The following TTF2 variants were observed in gnomAD, a reference collection of about 807,000 sequenced individuals.
The protein encoded by TTF2 is RNA polymerase II termination factor.
In TTF2, 108 loss-of-function variants were observed where a neutral mutation model predicts 142.4. The observed-to-expected ratio is 0.76, with a 90% CI of 0.65 to 0.89. TTF2 has a LOEUF of 0.89. TTF2 is among the 40% of genes least tolerant of loss of function. The pLI is 0.00. For missense variants in TTF2, 1,327 were observed against 1,379.8 expected (o/e 0.96, Z 0.61); for synonymous variants, 483 against 506.2 (o/e 0.95, Z 0.61).
chr1:117,082,069 G>A, intron 10 of TTF2, 122 bp downstream of exon 10: 2 of 1,379,012 alleles, frequency 1.5e-6, no homozygotes. Context: ...TGGAAAACCA[G>A]TATTAGATTA....
chr1:117,063,539 T>G lies in TTF2; in HGVS notation c.218+1066T>G, dbSNP rs923840930. Among the ~76,000 whole-genome samples the G allele has an allele frequency of 4.6e-5, 7 of 152,262 alleles. No homozygotes were observed. The highest frequency in any genetic ancestry group is 2.1e-4 in the South Asian group (1 of 4,836). On this transcript the variant is annotated intron_variant, in intron 3 of 22. Coordinates refer to ENST00000369466, the MANE Select transcript of TTF2 (RefSeq NM_003594.4). The surrounding 1 kb of genome is among the most constrained non-coding windows in gnomAD (Gnocchi z 4.1). ...CTGACTTCTTTTACTTAACAGTATG[T>G]GAAATGTATATAATATGTATCAGTA...
chr1:117,083,990 T>G (rs907510544), intron 10 of TTF2, 28 bp from the exon 11 acceptor site: 9 of 1,613,038 alleles, frequency 5.6e-6, no homozygotes, highest in Non-Finnish European at 7.6e-6. Context: ...TGAATGTAAC[T>G]AGGCACTGAT....
rs76183878 is a variant in TTF2 at position 117,106,008 on chromosome 1, T to C, written c.*4484T>C. 1.3e-5 allele frequency: 2 copies of C among 152,116 alleles called. No homozygotes were observed. The highest frequency in any genetic ancestry group is 2.9e-5 in the Non-Finnish European group (2 of 68,028). 9.4% of individuals were successfully genotyped at this position (152,116 alleles called of 1,614,324 possible). A position where few individuals can be genotyped will look rare whatever the true frequency, so the allele number is the denominator to read the frequency against. ...AGTGTGGCCTCTGGTTGTCTGAAAT[T>C]TTGCTGTCAACTCTAATACCTTGAA... On this transcript the variant is annotated 3_prime_UTR_variant, in exon 23 of 23. Transcript: ENST00000369466.
chr1:117,097,202 A>G lies in TTF2; in HGVS notation c.3187-149A>G, dbSNP rs569833775. ...GTGAGACATGGGAGATAGCATTATA[A>G]TGTTAAAAAAAAAAACAATTTATAA... On this transcript the variant is annotated intron_variant, in intron 20 of 22. Coordinates refer to ENST00000369466, the MANE Select transcript of TTF2 (RefSeq NM_003594.4). This position sits in a 1 kb window ranked among gnomAD's most constrained non-coding sequence, Gnocchi z 4.1. 128 of 662,698 alleles carry G rather than the reference A, an allele frequency of 1.9e-4. No individual in the cohort carries two copies. The highest frequency in any genetic ancestry group is 2.9e-4 in the Non-Finnish European group (111 of 383,328). The allele number at this position is 662,698 out of a possible 1,614,324, so 41.1% of individuals were successfully genotyped here. A position where few individuals can be genotyped will look rare whatever the true frequency, so the allele number is the denominator to read the frequency against.
At position 117,101,609 on chromosome 1, in the gene TTF2, C is replaced by G; in HGVS notation, c.*85C>G. The G allele has an allele frequency of 1.5e-6, 2 of 1,358,148 alleles. No homozygotes were observed. The highest frequency in any genetic ancestry group is 1.9e-6 in the Non-Finnish European group (2 of 1,038,116). The allele number at this position is 1,358,148 out of a possible 1,614,324, so 84.1% of individuals were successfully genotyped here. A position where few individuals can be genotyped will look rare whatever the true frequency, so the allele number is the denominator to read the frequency against. ...TAACAACCTAACCATGAGCCTTGAACTCTGTTCTTTGCATTTCAATTTCAC... is the reference window on the plus strand; with the variant it reads ...TAACAACCTAACCATGAGCCTTGAAGTCTGTTCTTTGCATTTCAATTTCAC... On this transcript the variant is annotated 3_prime_UTR_variant, in exon 23 of 23. Transcript: ENST00000369466. This position sits in a 1 kb window ranked among gnomAD's most constrained non-coding sequence, Gnocchi z 5.9.
rs2244406 is a variant in TTF2, at chr1:117,060,566, G to T, written c.131+9G>T. ...TTCGTGCGGGCCACCGAGTAGGTCTGGAGCTGGGCCCCACTCCCTGTGGCT... is the reference window on the plus strand; with the variant it reads ...TTCGTGCGGGCCACCGAGTAGGTCTTGAGCTGGGCCCCACTCCCTGTGGCT... On this transcript the variant is annotated intron_variant, in intron 2 of 22. Coordinates refer to ENST00000369466, the MANE Select transcript of TTF2 (RefSeq NM_003594.4). 1,094,282 of 1,601,834 alleles carry T rather than the reference G, an allele frequency of 0.68. 377,220 individuals are homozygous for T. The highest frequency in any genetic ancestry group is 0.93 in the East Asian group (41,500 of 44,724).
At position 117,095,296 on chromosome 1, in the gene TTF2, A is replaced by ATGTTT; in HGVS notation, c.2977-13_2977-12insTGTTT. 6.2e-7 allele frequency: 1 copy of ATGTTT among 1,614,008 alleles called. No individual in the cohort carries two copies. On this transcript the variant is annotated splice_polypyrimidine_tract_variant and intron_variant, in intron 18 of 22. Coordinates refer to ENST00000369466, the MANE Select transcript of TTF2 (RefSeq NM_003594.4). ...TTGCTTAAACATACAATGTTGATGT[A>ATGTTT]ACCTTTTCCCAGATTTCATCTCTGT...
At chr1:117,089,117 A>G in intron 13 of TTF2, 135 bp downstream of exon 13, 2 of 865,610 alleles carry the variant, frequency 2.3e-6, no homozygotes, top group Non-Finnish European at 3.3e-6. Flanking sequence ...CAACCTTTAA[A>G]GGACAAAAGA....
rs1306962191 is a variant in TTF2, at chr1:117,093,423, G to C, written c.2976+522G>C. 6.6e-6 allele frequency among the ~76,000 whole-genome samples: 1 copy of C among 152,208 alleles called. No individual in the cohort carries two copies. The highest frequency in any genetic ancestry group is 1.5e-5 in the Non-Finnish European group (1 of 68,040). ...AAACATTCTGCTGGAGGAAGGCTTA[G>C]ATATGCCGTAACCTGAATCCTGCCT... is the stretch of plus-strand genomic sequence containing the variant. On this transcript the variant is annotated intron_variant, in intron 18 of 22. Transcript: ENST00000369466. This position sits in a 1 kb window ranked among gnomAD's most constrained non-coding sequence, Gnocchi z 4.5.
Position 117,075,885 on chromosome 1 carries a change from C to A in TTF2, c.1275+26C>A. The A allele has an allele frequency of 6.3e-7, 1 of 1,579,162 alleles. No homozygotes were observed. Among genetic ancestry groups the A allele is most frequent in the South Asian group, 1.2e-5 (1 of 84,268 alleles). On this transcript the variant is annotated intron_variant, in intron 5 of 22. Transcript: ENST00000369466. This position sits in a 1 kb window ranked among gnomAD's most constrained non-coding sequence, Gnocchi z 4.5. The stretch of plus-strand genomic sequence containing the variant: ...GTAACTATTGACTCGTGTTTTGTTT[C>A]TGAGGTCAGAGCATTGCTTGTTATG...
Position 117,087,489 on chromosome 1 carries a change from C to A in TTF2, c.2160+967C>A, listed in dbSNP as rs548760671. Among the ~76,000 whole-genome samples, 1 of 152,142 alleles carries A rather than the reference C, an allele frequency of 6.6e-6. No individual in the cohort carries two copies. The highest frequency in any genetic ancestry group is 6.5e-5 in the Admixed American group (1 of 15,274). ...TGTATTTTTAGTAGAGATGGGGTTT[C>A]GCCATGTTGGCCAGGCTGGTCTCGA... On this transcript the variant is annotated intron_variant, in intron 12 of 22. Coordinates refer to ENST00000369466, the MANE Select transcript of TTF2 (RefSeq NM_003594.4). This position sits in a 1 kb window ranked among gnomAD's most constrained non-coding sequence, Gnocchi z 4.8.
Position 117,090,451 on chromosome 1 carries a change from A to G in TTF2, c.2497-81A>G, listed in dbSNP as rs1648467163. On this transcript the variant is annotated intron_variant, in intron 14 of 22. Coordinates refer to ENST00000369466, the MANE Select transcript of TTF2 (RefSeq NM_003594.4). The surrounding 1 kb of genome is among the most constrained non-coding windows in gnomAD (Gnocchi z 4.8). ...GCATTCCAGGGTTGACTAGATATGC[A>G]GTGTCAGTATGGGGAATTTGTTCTA... 7.4e-7 allele frequency: 1 copy of G among 1,348,262 alleles called. No homozygotes were observed. The highest frequency in any genetic ancestry group is 1.0e-6 in the Non-Finnish European group (1 of 954,438). The allele number at this position is 1,348,262 out of a possible 1,614,324, so 83.5% of individuals were successfully genotyped here. A position where few individuals can be genotyped will look rare whatever the true frequency, so the allele number is the denominator to read the frequency against.
chr1:117,094,703 C>T lies in TTF2; in HGVS notation c.2977-606C>T, dbSNP rs115372145. On this transcript the variant is annotated intron_variant, in intron 18 of 22. Transcript: ENST00000369466. Reference sequence around the variant, plus strand: ...GTACTCACAGCCCCTCACACATGGCCGAAACAGAGAAGTTACTTTCCTAAT... The same window carrying T: ...GTACTCACAGCCCCTCACACATGGCTGAAACAGAGAAGTTACTTTCCTAAT... The T allele has an allele frequency of 5.2e-3, 2,425 of 466,414 alleles. 30 individuals are homozygous for T. The highest frequency in any genetic ancestry group is 0.034 in the African/African-American group (1,698 of 49,530). 28.9% of individuals were successfully genotyped at this position (466,414 alleles called of 1,614,324 possible). A position where few individuals can be genotyped will look rare whatever the true frequency, so the allele number is the denominator to read the frequency against.
chr1:117,087,684 T>C lies in TTF2; in HGVS notation c.2161-1117T>C, dbSNP rs564135350. On this transcript the variant is annotated intron_variant, in intron 12 of 22. Coordinates refer to ENST00000369466, the MANE Select transcript of TTF2 (RefSeq NM_003594.4). The surrounding 1 kb of genome is among the most constrained non-coding windows in gnomAD (Gnocchi z 4.8). Reference sequence around the variant, plus strand: ...CCCTGGGGCACCTCTTGCTCAGTCATACCAAGGGATCTGTAGTTCCCACCA... The same window carrying C: ...CCCTGGGGCACCTCTTGCTCAGTCACACCAAGGGATCTGTAGTTCCCACCA... Among the ~76,000 whole-genome samples the C allele has an allele frequency of 5.2e-4, 79 of 152,314 alleles. No individual in the cohort carries two copies. In the South Asian group the frequency reaches 9.9e-3, roughly 19 times the overall value.
At chr1:117,088,230 T>C (rs1444996684) in intron 12 of TTF2, among the ~76,000 whole-genome samples, 1 of 152,280 alleles carries the variant, frequency 6.6e-6, no homozygotes, top group East Asian at 1.9e-4. Context: ...TGCTTAAGTG[T>C]GTATTTAAAG....
rs1285290194 is a variant in TTF2, at chr1:117,090,124, AG to A, written c.2414del (p.Gly805GlufsTer5). ...RSQVDNGSKK[G>X]GERLSILTKS... is the part of the protein sequence containing the mutation. Reference sequence around the variant, plus strand: ...GTCAGGTTGACAATGGCTCAAAGAAAGGAGGAGAACGGTTAAGTATTTTAAC... The same window carrying A: ...GTCAGGTTGACAATGGCTCAAAGAAAGAGGAGAACGGTTAAGTATTTTAAC... On this transcript the variant is annotated frameshift_variant, in exon 14 of 23. Coordinates refer to ENST00000369466, the MANE Select transcript of TTF2 (RefSeq NM_003594.4). LOFTEE classifies it high-confidence loss of function. This position sits in a 1 kb window ranked among gnomAD's most constrained non-coding sequence, Gnocchi z 4.8. 1 of 1,614,164 alleles carries A rather than the reference AG, an allele frequency of 6.2e-7. No homozygotes were observed. Among genetic ancestry groups the A allele is most frequent in the Non-Finnish European group, 8.5e-7 (1 of 1,179,986 alleles).
chr1:117,096,364 T>G (rs1244171685), intron 20 of TTF2, 65 bp downstream of exon 20: 1 of 1,560,620 alleles, frequency 6.4e-7, no homozygotes, highest in African/African-American at 1.4e-5. Flanking sequence ...AGAATTCTTT[T>G]TGTTTGGTTG....
At position 117,087,914 on chromosome 1, in the gene TTF2, A is replaced by C. The variant is rs917825077; in HGVS notation, c.2161-887A>C. Among the ~76,000 whole-genome samples, 1 of 152,202 alleles carries C rather than the reference A, an allele frequency of 6.6e-6. No homozygotes were observed. The highest frequency in any genetic ancestry group is 1.5e-5 in the Non-Finnish European group (1 of 68,038). On this transcript the variant is annotated intron_variant, in intron 12 of 22. Transcript: ENST00000369466. The surrounding 1 kb of genome is among the most constrained non-coding windows in gnomAD (Gnocchi z 4.8). ...CACTTTGTTTCTTCAGCAGACGTTG[A>C]GTATCCACTATGGGTCAGGTGCTGT...
chr1:117,091,762 C>T (rs888394510), intron 16 of TTF2, 55 bp from the exon 17 acceptor site: 29 of 1,576,840 alleles, frequency 1.8e-5, no homozygotes, highest in East Asian at 9.1e-5. Flanking sequence ...TGGCTCTCTC[C>T]GTATTTCTCT....
Sources: allele counts gnomAD v4.1 joint callset (sites outside exome capture counted in the v4.1 genomes callset), GRCh38; gene constraint gnomAD v4.1.1; non-coding constraint Gnocchi (gnomAD v3.1); transcripts MANE v1.5; gene names NCBI Gene and HGNC (gene_info 2026-07-23, HGNC 2026-07-21).